The following STPG3 variants were observed in gnomAD, a reference collection of about 807,000 sequenced individuals.
The protein encoded by STPG3 is protein STPG3.
STPG3 carries 39 observed loss-of-function variants against 32.5 expected under a neutral mutation model. The observed-to-expected ratio is 1.20, with a 90% CI of 0.93 to 1.57. The LOEUF is 1.57. Among genes scored for constraint, STPG3 ranks in the 40% most tolerant of loss-of-function variants. The pLI, the probability that STPG3 is intolerant of heterozygous loss-of-function variation, is 0.00. For missense variants in STPG3, 507 were observed against 407.6 expected (o/e 1.24, Z -2.10); for synonymous variants, 209 against 172.4 (o/e 1.21, Z -1.66).
At position 137,252,600 on chromosome 9, in the gene STPG3, G is replaced by A. The variant is rs1009762280; in HGVS notation, c.493-62G>A. The A allele has an allele frequency of 6.6e-6, 10 of 1,513,230 alleles. No homozygotes were observed. The African/African-American group carries it at 1.4e-4, about 21-fold the overall frequency. 93.7% of individuals were successfully genotyped at this position (1,513,230 alleles called of 1,614,324 possible). On this transcript the variant is annotated intron_variant, in intron 4 of 5. Transcript: ENST00000412566. ...TGGGGGTTCCAGTGGGGCCAAAGGG[G>A]GGCTGGCTGAGGGTCCGTGGGGAGC... is the stretch of plus-strand genomic sequence containing the variant.
In STPG3 at chr9:137,253,434, C is replaced by T. The variant is rs1007858086; in HGVS notation, c.*189C>T. On this transcript the variant is annotated 3_prime_UTR_variant, in exon 6 of 6. Coordinates refer to ENST00000412566, the MANE Select transcript of STPG3 (RefSeq NM_001004353.4). ...GGACAAGGCTGGCCCAGCCTGGATC[C>T]CCCATCTGCCCATCTCCCCGCTACA... is the stretch of plus-strand genomic sequence containing the variant. The T allele has an allele frequency of 1.6e-5, 23 of 1,441,734 alleles. No homozygotes were observed. In the African/African-American group the frequency reaches 3.0e-4, roughly 19 times the overall value. 89.3% of individuals were successfully genotyped at this position (1,441,734 alleles called of 1,614,324 possible). A position where few individuals can be genotyped will look rare whatever the true frequency, so the allele number is the denominator to read the frequency against.
At position 137,252,511 on chromosome 9, in the gene STPG3, G is replaced by C. The variant is rs112726953; in HGVS notation, c.478G>C (p.Asp160His). Reference sequence around the variant, plus strand: ...CCCCTTCACGCAGAAAGCTGACTTCGACCAAGAGCAAAAGGTTGGGGGCTG... The same window carrying C: ...CCCCTTCACGCAGAAAGCTGACTTCCACCAAGAGCAAAAGGTTGGGGGCTG... ...ESPFTQKADF[D>H]QEQKWPSPAH... Residue 160 changes from aspartate (D) to histidine (H), a missense_variant, in exon 4 of 6, where the codon GAC (aspartate) becomes CAC (histidine). Coordinates refer to ENST00000412566, the MANE Select transcript of STPG3 (RefSeq NM_001004353.4). 3.1e-5 allele frequency: 47 copies of C among 1,495,632 alleles called. 1 individual carries two copies. Among genetic ancestry groups the C allele is most frequent in the Middle Eastern group, 3.6e-4 (2 of 5,588 alleles). 92.6% of individuals were successfully genotyped at this position (1,495,632 alleles called of 1,614,324 possible).
At chr9:137,252,603 C>A in intron 4 of STPG3, 59 bp from the exon 5 acceptor site, 1 of 1,513,578 alleles carries the variant, frequency 6.6e-7, no homozygotes, top group East Asian at 2.5e-5. Context: ...CAAAGGGGGG[C>A]TGGCTGAGGG....
rs752473487 is a variant in STPG3, at chr9:137,252,881, C to G, written c.712C>G (p.Leu238Val). The stretch of plus-strand genomic sequence containing the variant: ...CCCTGGCCCCAACACCTACAATATC[C>G]TTCCTGGGAGCCGCCTGCAGAGCCC... The part of the protein sequence containing the change: ...RCPGPNTYNI[L>V]PGSRLQSPRS... Residue 238 changes from leucine to valine, a missense_variant, in exon 5 of 6, where the codon CTT becomes GTT. By Grantham distance (32) the Leu-to-Val change is conservative (BLOSUM62 1). Transcript: ENST00000412566. 198 of 1,592,554 alleles carry G rather than the reference C, an allele frequency of 1.2e-4. No individual in the cohort carries two copies. Among genetic ancestry groups the G allele is most frequent in the Non-Finnish European group, 1.6e-4 (193 of 1,170,516 alleles).
At chr9:137,252,186 G>A in intron 3 of STPG3, 51 bp downstream of exon 3, 2 of 1,570,888 alleles carry the variant, frequency 1.3e-6, no homozygotes, top group Non-Finnish European at 1.7e-6. Context: ...CCTCACCCTG[G>A]GAATGGGGGC....
At position 137,252,814 on chromosome 9, in the gene STPG3, G is replaced by A. The variant is rs1411096161; in HGVS notation, c.645G>A (p.Gln215=). ...GGCTGGGCCTCAGGGTGCAGCCCCA[G>A]TCCCTGCTTCAGGCCTCTTTGCAGG... ...ARGLGLRVQP[Q]SLLQASLQAP... Residue 215 remains glutamine, a synonymous_variant, in exon 5 of 6, where the codon CAG becomes CAA. Coordinates refer to ENST00000412566, the MANE Select transcript of STPG3 (RefSeq NM_001004353.4). 5.1e-6 allele frequency: 8 copies of A among 1,567,226 alleles called. No homozygotes were observed. In the East Asian group the frequency reaches 1.7e-4, roughly 33 times the overall value.
intron 4 of STPG3, 30 bp from the exon 5 acceptor site, chr9:137,252,632 C>A: frequency 6.9e-7 from 1 of 1,457,224 alleles, no homozygotes; most frequent in East Asian, 2.6e-5. Flanking sequence ...GAGCACCCTG[C>A]CCTGCAGCCC....
rs996508564 is a variant in STPG3, at chr9:137,251,378, C to T, written c.92C>T (p.Thr31Ile). Residue 31 changes from threonine to isoleucine, a missense_variant, in exon 1 of 6, where the codon ACA becomes ATA. Transcript: ENST00000412566. ...TGGACCCATGGTCACCTGAGGCAGA[C>T]ACAACCAGAGCCCACCCAGTAACTG... ...KHWTHGHLRQ[T>I]QPEPTQPKAS... 5 of 1,612,662 alleles carry T rather than the reference C, an allele frequency of 3.1e-6. No individual in the cohort carries two copies. Among genetic ancestry groups the T allele is most frequent in the African/African-American group, 2.7e-5 (2 of 74,898 alleles).
intron 5 of STPG3, 44 bp from the exon 6 acceptor site, chr9:137,253,071 G>A (rs1388568973): frequency 6.5e-7 from 1 of 1,541,160 alleles, no homozygotes; most frequent in South Asian, 1.2e-5. Context: ...GGTTTGAGTT[G>A]GGGCTGCTAC....
rs2131467164 is a variant in STPG3 at position 137,253,245 on chromosome 9, G to C, written c.927G>C (p.Ter309TyrextTer?). 2.5e-6 allele frequency: 4 copies of C among 1,604,874 alleles called. No homozygotes were observed. The highest frequency in any genetic ancestry group is 3.4e-6 in the Non-Finnish European group (4 of 1,176,342). ...RHDTGPFCTL[*>Y] The stretch of plus-strand genomic sequence containing the variant: ...ACACAGGCCCCTTCTGCACGCTCTA[G>C]AGCCAGCTGGGCACAACCTGCTTGG... Residue 309 changes from the stop codon to tyrosine, a stop_lost, in exon 6 of 6, where the codon TAG (stop) becomes TAC (tyrosine). Transcript: ENST00000412566.
chr9:137,253,183 G>A lies in STPG3; in HGVS notation c.865G>A (p.Val289Met), dbSNP rs370060213. ...CNSRFPSAPGVVIQGVRRPKR... is the reference protein window; with the variant it reads ...CNSRFPSAPGMVIQGVRRPKR... ...CTCACGCTTCCCTTCGGCGCCTGGC[G>A]TGGTCATCCAGGGTGTACGCAGACC... Residue 289 changes from valine to methionine, a missense_variant, in exon 6 of 6, where the codon GTG becomes ATG. Coordinates refer to ENST00000412566, the MANE Select transcript of STPG3 (RefSeq NM_001004353.4). 8.1e-6 allele frequency: 13 copies of A among 1,606,418 alleles called. No individual in the cohort carries two copies. Among genetic ancestry groups the A allele is most frequent in the Middle Eastern group, 1.7e-4 (1 of 6,046 alleles).
Position 137,253,104 on chromosome 9 carries a change from T to A in STPG3, c.797-11T>A. Reference sequence around the variant, plus strand: ...TACCTGGGTGGGGCTCCCAGCCTTCTCTTTCGGCAGCCCGAACCCCTGGCC... The same window carrying A: ...TACCTGGGTGGGGCTCCCAGCCTTCACTTTCGGCAGCCCGAACCCCTGGCC... On this transcript the variant is annotated splice_polypyrimidine_tract_variant and intron_variant, in intron 5 of 5. Coordinates refer to ENST00000412566, the MANE Select transcript of STPG3 (RefSeq NM_001004353.4). 2 of 1,551,386 alleles carry A rather than the reference T, an allele frequency of 1.3e-6. No individual in the cohort carries two copies. The highest frequency in any genetic ancestry group is 8.7e-7 in the Non-Finnish European group (1 of 1,145,626).
In STPG3 at chr9:137,252,082, G is replaced by T; in HGVS notation, c.350G>T (p.Arg117Leu). Reference sequence around the variant, plus strand: ...TACCAGGTGCCGAGCCCGTCCGTACGAGAGTCCTCCCCACACCCCCACTAC... The same window carrying T: ...TACCAGGTGCCGAGCCCGTCCGTACTAGAGTCCTCCCCACACCCCCACTAC... The part of the protein sequence containing the change: ...TRYQVPSPSV[R>L]ESSPHPHYSI... The change falls in exon 3 of 6, where the codon CGA becomes CTA. Residue 117 changes from arginine to leucine, a missense_variant. Transcript: ENST00000412566. 1 of 1,612,732 alleles carries T rather than the reference G, an allele frequency of 6.2e-7. No individual in the cohort carries two copies. The highest frequency in any genetic ancestry group is 8.5e-7 in the Non-Finnish European group (1 of 1,179,622).
Position 137,253,206 on chromosome 9 carries a change from A to T in STPG3, c.888A>T (p.Arg296Ser), listed in dbSNP as rs374495901. The T allele has an allele frequency of 6.2e-7, 1 of 1,608,812 alleles. No individual in the cohort carries two copies. The highest frequency in any genetic ancestry group is 1.3e-5 in the African/African-American group (1 of 74,788). The change falls in exon 6 of 6, where the codon AGA becomes AGT. Residue 296 changes from arginine to serine, a missense_variant. Arg to Ser is a moderately radical substitution (Grantham distance 110). Coordinates refer to ENST00000412566, the MANE Select transcript of STPG3 (RefSeq NM_001004353.4). ...APGVVIQGVR[R>S]PKRHDTGPFC... ...GCGTGGTCATCCAGGGTGTACGCAG[A>T]CCCAAGCGCCACGACACAGGCCCCT...
chr9:137,252,166 C>G, intron 3 of STPG3, 31 bp downstream of exon 3: 2 of 1,586,888 alleles, frequency 1.3e-6, no homozygotes, highest in South Asian at 2.2e-5. Flanking sequence ...GCCCAACCAC[C>G]GGGCCTGTCC....
rs1837407821 is a variant in STPG3, at chr9:137,252,678, A to C, written c.509A>C (p.His170Pro). Reference protein sequence around the residue: ...DQEQKWPSPAHYQLLSRPAFP... With the variant: ...DQEQKWPSPAPYQLLSRPAFP... ...CCCTCGCAGTGGCCCTCGCCAGCCC[A>C]CTACCAGCTGCTCAGCCGGCCCGCC... Residue 170 changes from histidine (H) to proline (P), a missense_variant, in exon 5 of 6, where the codon CAC (histidine) becomes CCC (proline). By Grantham distance (77) the His-to-Pro change is moderately conservative (BLOSUM62 -2). Coordinates refer to ENST00000412566, the MANE Select transcript of STPG3 (RefSeq NM_001004353.4). The C allele has an allele frequency of 6.5e-7, 1 of 1,548,806 alleles. No homozygotes were observed. The highest frequency in any genetic ancestry group is 1.4e-5 in the African/African-American group (1 of 72,960).
chr9:137,253,446 A>C lies in STPG3; in HGVS notation c.*201A>C. On this transcript the variant is annotated 3_prime_UTR_variant, in exon 6 of 6. Coordinates refer to ENST00000412566, the MANE Select transcript of STPG3 (RefSeq NM_001004353.4). Reference sequence around the variant, plus strand: ...CCCAGCCTGGATCCCCCATCTGCCCATCTCCCCGCTACACTGAGATGCTGT... The same window carrying C: ...CCCAGCCTGGATCCCCCATCTGCCCCTCTCCCCGCTACACTGAGATGCTGT... The C allele has an allele frequency of 7.0e-7, 1 of 1,438,796 alleles. No homozygotes were observed. Among genetic ancestry groups the C allele is most frequent in the African/African-American group, 1.4e-5 (1 of 69,802 alleles). The allele number at this position is 1,438,796 out of a possible 1,614,324, so 89.1% of individuals were successfully genotyped here.
At position 137,252,454 on chromosome 9, in the gene STPG3, G is replaced by A. The variant is rs1464186184; in HGVS notation, c.421G>A (p.Ala141Thr). Residue 141 changes from alanine to threonine, a missense_variant, in exon 4 of 6, where the codon GCA becomes ACA. By Grantham distance (58) the Ala-to-Thr change is moderately conservative. Transcript: ENST00000412566. ...AACTACAGAGGGCGGTGGCCGCAGG[G>A]CATGGCAGACTTTGTGGTTCCAGAG... is the stretch of plus-strand genomic sequence containing the variant. ...HQGREGGGRR[A>T]WQTLWFQSES... 1.2e-6 allele frequency: 2 copies of A among 1,610,904 alleles called. No individual in the cohort carries two copies. The highest frequency in any genetic ancestry group is 2.7e-5 in the African/African-American group (2 of 74,882).
chr9:137,252,985 A>C lies in STPG3; in HGVS notation c.796+20A>C. 1.3e-6 allele frequency: 2 copies of C among 1,559,634 alleles called. No individual in the cohort carries two copies. Among genetic ancestry groups the C allele is most frequent in the Non-Finnish European group, 1.7e-6 (2 of 1,147,992 alleles). ...GCACCTGTAAGGAGGCCTGGAGAGA[A>C]GAGGGCTAGGGATGGGGCATGGGTG... On this transcript the variant is annotated intron_variant, in intron 5 of 5. Transcript: ENST00000412566.
Sources: gnomAD v4.1 joint callset for allele counts on GRCh38, gnomAD v4.1.1 for gene constraint, MANE v1.5 for transcripts, NCBI Gene and HGNC (gene_info 2026-07-23, HGNC 2026-07-21) for gene names.